The following EIF2AK4 variants were observed in gnomAD, a reference collection of about 807,000 sequenced individuals.
EIF2AK4 encodes eukaryotic translation initiation factor 2 alpha kinase 4.
EIF2AK4 carries 139 observed loss-of-function variants against 211.1 expected under a neutral mutation model. That is an observed-to-expected ratio of 0.66 (90% CI 0.57 to 0.76). The LOEUF is 0.76. Ranked by LOEUF, EIF2AK4 falls within the 30% of genes least tolerant of loss-of-function variation. The probability of loss-of-function intolerance (pLI) is 0.00; values close to 1 mark genes in which losing one functional copy is unlikely to be tolerated. For synonymous variants in EIF2AK4, 710 were observed against 751.3 expected (o/e 0.94, Z 0.90); for missense variants, 1,664 against 2,043.8 (o/e 0.81, Z 3.58).
At chr15:39,968,137 T>TA (rs1447630350) in intron 9 of EIF2AK4, among the ~76,000 whole-genome samples, 1 of 152,220 alleles carries the variant, frequency 6.6e-6, no homozygotes, top group African/African-American at 2.4e-5. Flanking sequence ...ACTGATGGGA[T>TA]ACTCTTGGAA....
intron 17 of EIF2AK4, chr15:39,992,455 C>G (rs2034956721): frequency 3.8e-6 from 2 of 529,314 alleles, no homozygotes; most frequent in Admixed American, 3.5e-5. Flanking sequence ...TAATTGGCTC[C>G]CAGGGGTAGA....
rs551253537 is a variant in EIF2AK4 at position 39,976,360 on chromosome 15, A to G, written c.1819-54A>G. 43 of 1,528,608 alleles carry G rather than the reference A, an allele frequency of 2.8e-5. No homozygotes were observed. The South Asian group carries it at 5.2e-4, about 18-fold the overall frequency. The allele number at this position is 1,528,608 out of a possible 1,614,324, so 94.7% of individuals were successfully genotyped here. A position where few individuals can be genotyped will look rare whatever the true frequency, so the allele number is the denominator to read the frequency against. Reference sequence around the variant, plus strand: ...TGGGAGGGGATGGGGTGCGGTGCAAATGCCTGTTTGTGCAAGGCTCCGAGC... The same window carrying G: ...TGGGAGGGGATGGGGTGCGGTGCAAGTGCCTGTTTGTGCAAGGCTCCGAGC... On this transcript the variant is annotated intron_variant, in intron 11 of 38. Transcript: ENST00000263791.
At chr15:39,986,314 C>T (rs2034864672) in intron 14 of EIF2AK4, among the ~76,000 whole-genome samples, 3 of 152,262 alleles carry the variant, frequency 2.0e-5, no homozygotes, top group Admixed American at 2.0e-4. Flanking sequence ...CACAGAAACT[C>T]TACTTTGCCT....
chr15:39,995,780 A>G (rs1773054880), intron 18 of EIF2AK4, among the ~76,000 whole-genome samples: 1 of 152,044 alleles, frequency 6.6e-6, no homozygotes, highest in Non-Finnish European at 1.5e-5. Flanking sequence ...ATGTTTTGAT[A>G]TATGTTTACA....
chr15:40,016,634 G>A lies in EIF2AK4; in HGVS notation c.3892G>A (p.Val1298Ile), dbSNP rs778801599. The A allele has an allele frequency of 2.5e-6, 4 of 1,614,208 alleles. No homozygotes were observed. Among genetic ancestry groups the A allele is most frequent in the Non-Finnish European group, 3.4e-6 (4 of 1,180,032 alleles). The change falls in exon 28 of 39, where the codon GTT (valine) becomes ATT (isoleucine). Residue 1298 changes from valine to isoleucine, a missense_variant. By Grantham distance (29) the Val-to-Ile change is conservative. Transcript: ENST00000263791. ...VKYGLKDLEE[V>I]VGLLKKLGIK... ...GTATGGCTTAAAAGACCTAGAGGAG[G>A]TTGTTGGACTGTTGAAGAAACTCGG...
chr15:39,987,140 C>G (rs2034877171), intron 14 of EIF2AK4, among the ~76,000 whole-genome samples: 1 of 152,148 alleles, frequency 6.6e-6, no homozygotes, highest in Non-Finnish European at 1.5e-5. Flanking sequence ...CATTGGTCCC[C>G]CAAACCACTG....
chr15:39,990,760 C>T (rs1337938354), intron 16 of EIF2AK4, among the ~76,000 whole-genome samples: 3 of 152,182 alleles, frequency 2.0e-5, no homozygotes, highest in Admixed American at 1.3e-4. Flanking sequence ...GGAGACCATA[C>T]AGTTGTAAGG....
intron 4 of EIF2AK4, among the ~76,000 whole-genome samples, chr15:39,953,116 G>T (rs889243093): frequency 1.3e-5 from 2 of 152,156 alleles, no homozygotes; most frequent in Non-Finnish European, 2.9e-5. Context: ...AAAGTGCTGG[G>T]ATTACAGGCA....
intron 34 of EIF2AK4, among the ~76,000 whole-genome samples, chr15:40,029,938 A>G (rs1239418097): frequency 6.6e-6 from 1 of 152,150 alleles, no homozygotes; most frequent in Non-Finnish European, 1.5e-5. Context: ...CCATGAGAAG[A>G]CATATTTGGC....
chr15:40,023,540 C>G (rs954451796), intron 32 of EIF2AK4, among the ~76,000 whole-genome samples: 1 of 152,166 alleles, frequency 6.6e-6, no homozygotes, highest in Non-Finnish European at 1.5e-5. Context: ...TTATATCTTT[C>G]CCGGAACTTT....
chr15:39,943,804 A>G (rs2034182518), intron 3 of EIF2AK4, among the ~76,000 whole-genome samples: 4 of 152,024 alleles, frequency 2.6e-5, no homozygotes, highest in Admixed American at 1.3e-4. Flanking sequence ...TCTCTAAAAA[A>G]ATTAACTGGG....
intron 7 of EIF2AK4, among the ~76,000 whole-genome samples, chr15:39,964,382 C>T (rs530521447): frequency 3.5e-4 from 54 of 152,164 alleles, no homozygotes; most frequent in African/African-American, 1.3e-3. Flanking sequence ...TACTATATAT[C>T]GGGGTTATCA....
At chr15:39,938,202 T>A (rs1296485376) in intron 1 of EIF2AK4, among the ~76,000 whole-genome samples, 1 of 152,224 alleles carries the variant, frequency 6.6e-6, no homozygotes, top group Admixed American at 6.5e-5. Flanking sequence ...CTCACCTCCG[T>A]GGACTAAGCA....
chr15:40,031,085 C>T (rs748030348), intron 35 of EIF2AK4, among the ~76,000 whole-genome samples: 1 of 152,036 alleles, frequency 6.6e-6, no homozygotes. Flanking sequence ...ACTAAAAATA[C>T]AAAAATTAGC....
intron 22 of EIF2AK4, 100 bp from the exon 23 acceptor site, chr15:40,003,093 C>T (rs1278327515): frequency 2.0e-6 from 3 of 1,506,302 alleles, no homozygotes; most frequent in Admixed American, 2.0e-5. Flanking sequence ...TCAATGGTCC[C>T]AGTAGCAATT....
chr15:39,971,304 A>G (rs1280055630), intron 9 of EIF2AK4, among the ~76,000 whole-genome samples: 1 of 152,094 alleles, frequency 6.6e-6, no homozygotes, highest in Non-Finnish European at 1.5e-5. Flanking sequence ...CAGGCAGATC[A>G]CTTGAGGTCA....
chr15:40,034,429 T>C lies in EIF2AK4; in HGVS notation c.4877T>C (p.Ile1626Thr). ...LKLVCDEIYN[I>T]KVEKKVSVLF... ...TTAGTCTGTGATGAAATTTATAACA[T>C]CAAAGTAGAAAAAAAGTAAGTTATC... Residue 1626 changes from isoleucine (I) to threonine (T), a missense_variant, in exon 38 of 39, where the codon ATC (isoleucine) becomes ACC (threonine). Ile to Thr is a moderately conservative substitution (Grantham distance 89). Transcript: ENST00000263791. The C allele has an allele frequency of 6.2e-7, 1 of 1,613,562 alleles. No homozygotes were observed. Among genetic ancestry groups the C allele is most frequent in the Non-Finnish European group, 8.5e-7 (1 of 1,179,664 alleles).
intron 18 of EIF2AK4, among the ~76,000 whole-genome samples, chr15:39,994,070 A>G (rs1199127297): frequency 6.6e-6 from 1 of 152,192 alleles, no homozygotes; most frequent in Non-Finnish European, 1.5e-5. Context: ...GAGGAAACCT[A>G]AGGACAGACA....
At chr15:40,015,273 G>A (rs116847130) in intron 27 of EIF2AK4, among the ~76,000 whole-genome samples, 1,757 of 152,092 alleles carry the variant, frequency 0.012, 12 homozygotes, top group Non-Finnish European at 0.018. Context: ...GTTTGTTCTC[G>A]TGCTGCTAAT....
Sources: allele counts gnomAD v4.1 joint callset (sites outside exome capture counted in the v4.1 genomes callset), GRCh38; gene constraint gnomAD v4.1.1; transcripts MANE v1.5; gene names NCBI Gene and HGNC (gene_info 2026-07-23, HGNC 2026-07-21).